DLG4: variants seen among roughly 807,000 people sequenced by gnomAD.
DLG4 encodes the protein discs large MAGUK scaffold protein 4.
Under a neutral mutation model 93.8 loss-of-function variants are expected in DLG4, and 7 were observed. The observed-to-expected ratio is 0.07, with a 90% CI of 0.04 to 0.14. The LOEUF is 0.14. Among genes scored for constraint, DLG4 ranks in the 10% least tolerant of loss-of-function variants. DLG4 has a pLI of 1.00. For missense variants in DLG4, 545 were observed against 992.9 expected, an observed-to-expected ratio of 0.55 and a Z score of 6.06; for synonymous variants, 341 against 387.6, an observed-to-expected ratio of 0.88 and a Z score of 1.41.
At chr17:7,192,442 G>A (rs2069553271) in intron 17 of DLG4, 1 of 168,976 alleles carries the variant, frequency 5.9e-6, no homozygotes. Flanking sequence ...AAGGAACAAG[G>A]AGACAGATGG....
At chr17:7,217,798 G>C (rs757466308), upstream of DLG4, 10 of 1,535,298 alleles carry the variant, frequency 6.5e-6, no homozygotes, top group Non-Finnish European at 8.7e-6. Flanking sequence ...AGCCACCAGC[G>C]ATGACAGCAA....
At chr17:7,211,500 A>G (rs534903088) in intron 1 of DLG4, among the ~76,000 whole-genome samples, 1 of 151,316 alleles carries the variant, frequency 6.6e-6, no homozygotes, top group Non-Finnish European at 1.5e-5. Context: ...AAAGTGAATG[A>G]TAAGAGGGGC....
At chr17:7,218,755 G>T (rs1311084481), upstream of DLG4, 1 of 1,592,560 alleles carries the variant, frequency 6.3e-7, no homozygotes, top group African/African-American at 1.3e-5. Context: ...GGAAAGATTT[G>T]GGGAGAAGGA....
In DLG4 at chr17:7,195,845, C is replaced by T. The variant is rs529239307; in HGVS notation, c.1301+375G>A. The stretch of plus-strand genomic sequence containing the variant: ...GCAGGCACCACAGAGCTGCGGCCCA[C>T]GTCTCCGGGACTGCCCACAGGGACG... On this transcript the variant is annotated intron_variant, in intron 11 of 19. Coordinates refer to ENST00000399506, the MANE Select transcript of DLG4 (RefSeq NM_001321075.3). The surrounding 1 kb of genome is among the most constrained non-coding windows in gnomAD (Gnocchi z 4.3). 7.9e-5 allele frequency among the ~76,000 whole-genome samples: 12 copies of T among 152,316 alleles called. No individual in the cohort carries two copies. The highest frequency in any genetic ancestry group is 3.4e-3 in the Middle Eastern group (1 of 294).
At position 7,202,895 on chromosome 17, in the gene DLG4, G is replaced by A. The variant is rs1345384642; in HGVS notation, c.787+8C>T. 4.3e-6 allele frequency: 7 copies of A among 1,613,802 alleles called. No individual in the cohort carries two copies. The highest frequency in any genetic ancestry group is 2.7e-5 in the African/African-American group (2 of 74,912). On this transcript the variant is annotated splice_region_variant and intron_variant, in intron 8 of 19. Coordinates refer to ENST00000399506, the MANE Select transcript of DLG4 (RefSeq NM_001321075.3). ...CATGGGGAACTTTGGTGTTTGAAGG[G>A]CTCTCACAGGTTGTGATGTCTGGGG...
chr17:7,218,338 A>C (rs1597510034), upstream of DLG4: 1 of 1,550,916 alleles, frequency 6.4e-7, no homozygotes, highest in South Asian at 1.2e-5. Flanking sequence ...CAGGCACATC[A>C]CCCCTGTCAT....
In DLG4 at chr17:7,199,974, C is replaced by T. The variant is rs567002537; in HGVS notation, c.788-2922G>A. On this transcript the variant is annotated intron_variant, in intron 8 of 19. Coordinates refer to ENST00000399506, the MANE Select transcript of DLG4 (RefSeq NM_001321075.3). ...CAGCCTGGGCGACAGAGCGAGACTC[C>T]GTCTCAAAAAAAAAAAAAAAAGAAA... Among the ~76,000 whole-genome samples, 35 of 141,304 alleles carry T rather than the reference C, an allele frequency of 2.5e-4. No individual in the cohort carries two copies. In the East Asian group the frequency reaches 3.2e-3, roughly 13 times the overall value. 92.7% of individuals were successfully genotyped at this position (141,304 alleles called of 152,430 possible).
chr17:7,195,500 G>C lies in DLG4; in HGVS notation c.1301+720C>G, dbSNP rs1413719058. 6.6e-6 allele frequency among the ~76,000 whole-genome samples: 1 copy of C among 152,230 alleles called. No individual in the cohort carries two copies. The highest frequency in any genetic ancestry group is 6.5e-5 in the Admixed American group (1 of 15,286). Reference sequence around the variant, plus strand: ...AAGATGGAACCCAGGCCCACAGCAGGATGATGAGCTCAGCGTGGGACATGT... The same window carrying C: ...AAGATGGAACCCAGGCCCACAGCAGCATGATGAGCTCAGCGTGGGACATGT... On this transcript the variant is annotated intron_variant, in intron 11 of 19. Coordinates refer to ENST00000399506, the MANE Select transcript of DLG4 (RefSeq NM_001321075.3). The surrounding 1 kb of genome is among the most constrained non-coding windows in gnomAD (Gnocchi z 4.3).
At position 7,206,708 on chromosome 17, in the gene DLG4, A is replaced by T. The variant is rs62059160; in HGVS notation, c.96+1466T>A. Among the ~76,000 whole-genome samples the T allele has an allele frequency of 4.0e-3, 615 of 152,018 alleles. 4 individuals carry two copies. The highest frequency in any genetic ancestry group is 0.012 in the African/African-American group (511 of 41,458). On this transcript the variant is annotated intron_variant, in intron 2 of 19. Transcript: ENST00000399506. ...TTCACTGCCCTGATCTCACAGTCTT[A>T]TCCCTATCTGGCCCCTGACCCAGGA...
rs2069392285 is a variant in DLG4, at chr17:7,189,691, G to A, written c.*1017C>T. Among the ~76,000 whole-genome samples the A allele has an allele frequency of 6.6e-6, 1 of 151,976 alleles. No individual in the cohort carries two copies. The highest frequency in any genetic ancestry group is 2.1e-4 in the South Asian group (1 of 4,814). On this transcript the variant is annotated 3_prime_UTR_variant, in exon 20 of 20. Transcript: ENST00000399506. ...GACAAGTTCCAGCCTCCCCTTTCTG[G>A]CCTGTCATGACTTTGGACAGAGCTC...
chr17:7,187,567 A>ATAAT lies in DLG4; in HGVS notation c.*3137_*3140dup, dbSNP rs1208014605. Among the ~76,000 whole-genome samples, 1 of 151,178 alleles carries ATAAT rather than the reference A, an allele frequency of 6.6e-6. No individual in the cohort carries two copies. The highest frequency in any genetic ancestry group is 1.5e-5 in the Non-Finnish European group (1 of 67,814). On this transcript the variant is annotated 3_prime_UTR_variant, in exon 20 of 20. Coordinates refer to ENST00000399506, the MANE Select transcript of DLG4 (RefSeq NM_001321075.3). ...GTCTCCAATAATAATAATAATAATA[A>ATAAT]TAATAATAATACATGCAAAATTATG...
intron 17 of DLG4, among the ~76,000 whole-genome samples, chr17:7,192,721 T>G: frequency 3.5e-5 from 5 of 142,726 alleles, no homozygotes; most frequent in Admixed American, 6.9e-5. Context: ...GGCCAGATGG[T>G]GGTGGGGAAT....
intron 2 of DLG4, 138 bp from the exon 3 acceptor site, chr17:7,204,390 G>T: frequency 1.3e-6 from 1 of 768,926 alleles, no homozygotes; most frequent in South Asian, 1.9e-5. Context: ...GCTGCTCAAG[G>T]GCCCAGCCTC....
At chr17:7,212,176 G>T (rs1470510518) in intron 1 of DLG4, among the ~76,000 whole-genome samples, 1 of 151,944 alleles carries the variant, frequency 6.6e-6, no homozygotes, top group East Asian at 1.9e-4. Context: ...ACCCCCAAGG[G>T]ATCTACACTG....
Position 7,195,104 on chromosome 17 carries a change from T to C in DLG4, c.1302-609A>G, listed in dbSNP as rs1415779048. Among the ~76,000 whole-genome samples, 1 of 152,040 alleles carries C rather than the reference T, an allele frequency of 6.6e-6. No individual in the cohort carries two copies. Among genetic ancestry groups the C allele is most frequent in the Non-Finnish European group, 1.5e-5 (1 of 67,986 alleles). On this transcript the variant is annotated intron_variant, in intron 11 of 19. Transcript: ENST00000399506. This position sits in a 1 kb window ranked among gnomAD's most constrained non-coding sequence, Gnocchi z 4.3. ...CATCATAAAGTCACAGGGGTAACCC[T>C]GAATCTGCCCAAATTCATAAGAAAA...
chr17:7,209,277 A>C (rs72837700), intron 1 of DLG4, among the ~76,000 whole-genome samples: 3,685 of 152,280 alleles, frequency 0.024, 67 homozygotes, highest in Middle Eastern at 0.037. Flanking sequence ...GGGCCAGAGA[A>C]GGAGGAAAAG....
chr17:7,204,858 C>T, intron 2 of DLG4: 1 of 834,190 alleles, frequency 1.2e-6, no homozygotes, highest in African/African-American at 1.8e-5. Context: ...TCGGTCTCAC[C>T]AACCAGCCGT....
At chr17:7,211,916 C>G (rs925448652) in intron 1 of DLG4, among the ~76,000 whole-genome samples, 1 of 150,532 alleles carries the variant, frequency 6.6e-6, no homozygotes, top group Non-Finnish European at 1.5e-5. Context: ...CACCAACTTC[C>G]CTGGTTCACG....
chr17:7,203,118 A>T lies in DLG4; in HGVS notation c.643-71T>A, dbSNP rs2070240025. The T allele has an allele frequency of 6.4e-7, 1 of 1,572,240 alleles. No individual in the cohort carries two copies. The highest frequency in any genetic ancestry group is 1.2e-5 in the South Asian group (1 of 86,006). ...AAGACAGAAGCACTGGGGTGAAGTG[A>T]TGAACTTGGGCCTGCCAGGGCTAGT... On this transcript the variant is annotated intron_variant, in intron 7 of 19. Transcript: ENST00000399506. The surrounding 1 kb of genome is among the most constrained non-coding windows in gnomAD (Gnocchi z 7.2).
Sources: gnomAD v4.1 joint callset for allele counts (sites outside exome capture counted in the v4.1 genomes callset) on GRCh38, gnomAD v4.1.1 for gene constraint, Gnocchi (gnomAD v3.1) non-coding constraint, MANE v1.5 for transcripts, NCBI Gene and HGNC (gene_info 2026-07-23, HGNC 2026-07-21) for gene names.